The following KDM2B variants were observed in gnomAD, a reference collection of about 807,000 sequenced individuals.
The protein encoded by KDM2B is lysine demethylase 2B, also known as lysine-specific demethylase 2B.
Under a neutral mutation model 150.0 loss-of-function variants are expected in KDM2B, and 26 were observed. The ratio of observed to expected loss-of-function variants is 0.17; its 90% CI spans 0.13 to 0.24. KDM2B has a LOEUF of 0.24. KDM2B is among the 10% of genes least tolerant of loss of function. The pLI, the probability that KDM2B is intolerant of heterozygous loss-of-function variation, is 1.00. For synonymous variants in KDM2B, 734 were observed against 729.5 expected (o/e 1.01, Z -0.10); for missense variants, 1,265 against 1,816.9 (o/e 0.70, Z 5.52).
the KDM2B span, chr12:121,416,147 G>A: frequency 2.5e-6 from 4 of 1,611,230 alleles, no homozygotes; most frequent in Non-Finnish European, 3.4e-6. Flanking sequence ...TGGGATTTGT[G>A]TTCCTTTTTA....
At chr12:121,446,262 G>A (rs1876227280) in intron 13 of KDM2B, among the ~76,000 whole-genome samples, 1 of 152,208 alleles carries the variant, frequency 6.6e-6, no homozygotes, top group Non-Finnish European at 1.5e-5. Flanking sequence ...GCCGGGCGTG[G>A]TGGCGGGCGC....
intron 4 of KDM2B, among the ~76,000 whole-genome samples, chr12:121,560,909 A>G (rs534540280): frequency 6.6e-6 from 1 of 152,082 alleles, no homozygotes; most frequent in South Asian, 2.1e-4. Flanking sequence ...GACAGGGACA[A>G]GCGTCCCTTC....
rs1555288069 is a variant in KDM2B at position 121,440,979 on chromosome 12, TG to T, written c.3449-3del. ...CTGACAGCACCAAGTCCCGGAGCCC[TG>T]GGGGGACATAGAAAAGGGTGAAGGT... On this transcript the variant is annotated splice_region_variant and splice_polypyrimidine_tract_variant and intron_variant, in intron 20 of 22. Coordinates refer to ENST00000377071, the MANE Select transcript of KDM2B (RefSeq NM_032590.5). 1.9e-6 allele frequency: 3 copies of T among 1,613,354 alleles called. No homozygotes were observed. Among genetic ancestry groups the T allele is most frequent in the Admixed American group, 1.7e-5 (1 of 59,964 alleles).
rs573399241 is a variant in KDM2B, at chr12:121,466,127, C to A, written c.1735-12783G>T. On this transcript the variant is annotated intron_variant, in intron 12 of 22. Coordinates refer to ENST00000377071, the MANE Select transcript of KDM2B (RefSeq NM_032590.5). ...CTATAGAGCACTTCCTCAATTGCACCTAATGATGAAAAAAAAAAAAAGTTA... is the reference window on the plus strand; with the variant it reads ...CTATAGAGCACTTCCTCAATTGCACATAATGATGAAAAAAAAAAAAAGTTA... Among the ~76,000 whole-genome samples the A allele has an allele frequency of 7.5e-4, 114 of 151,714 alleles. 2 individuals are homozygous for A. The highest frequency in any genetic ancestry group is 1.3e-3 in the Non-Finnish European group (86 of 67,944).
In KDM2B at chr12:121,458,789, G is replaced by T. The variant is rs1878678425; in HGVS notation, c.1735-5445C>A. ...GCACTCCAGCCTGGGCAACAAGAGT[G>T]AAACTCCATCTAAAAAGGCTGGGCA... On this transcript the variant is annotated intron_variant, in intron 12 of 22. Transcript: ENST00000377071. 2.0e-5 allele frequency among the ~76,000 whole-genome samples: 3 copies of T among 151,568 alleles called. No individual in the cohort carries two copies. In the East Asian group the frequency reaches 5.8e-4, roughly 29 times the overall value.
intron 12 of KDM2B, among the ~76,000 whole-genome samples, chr12:121,463,584 T>A (rs1879409935): frequency 1.3e-5 from 2 of 152,194 alleles, no homozygotes; most frequent in African/African-American, 4.8e-5. Flanking sequence ...TATTTTTATT[T>A]AAAAAAATTT....
chr12:121,571,409 C>T (rs1364365125), intron 4 of KDM2B, among the ~76,000 whole-genome samples: 1 of 151,972 alleles, frequency 6.6e-6, no homozygotes, highest in African/African-American at 2.4e-5. Flanking sequence ...CTGCCTCAGC[C>T]TCCCGAGTAG....
intron 21 of KDM2B, chr12:121,440,603 C>T (rs1336210610): frequency 2.6e-5 from 14 of 542,318 alleles, no homozygotes; most frequent in Middle Eastern, 4.8e-4. Context: ...AGCAGAGAGA[C>T]GCACGCGGAG....
Position 121,467,318 on chromosome 12 carries a change from G to GGGCTCC in KDM2B, c.1735-13975_1735-13974insGGAGCC. On this transcript the variant is annotated intron_variant, in intron 12 of 22. Coordinates refer to ENST00000377071, the MANE Select transcript of KDM2B (RefSeq NM_032590.5). This position sits in a 1 kb window ranked among gnomAD's most constrained non-coding sequence, Gnocchi z 5.1. ...CTCGCCCTGGCTCGGGCTCGGGCTCGGGCTCGGGCTCCCGCTGCCGCGAGG... is the reference window on the plus strand; with the variant it reads ...CTCGCCCTGGCTCGGGCTCGGGCTCGGGCTCCGGCTCGGGCTCCCGCTGCCGCGAGG... 1.0e-6 allele frequency: 1 copy of GGGCTCC among 982,592 alleles called. No homozygotes were observed. Among genetic ancestry groups the GGGCTCC allele is most frequent in the African/African-American group, 1.8e-5 (1 of 56,772 alleles). 60.9% of individuals were successfully genotyped at this position (982,592 alleles called of 1,614,324 possible).
rs1251873098 is a variant in KDM2B, at chr12:121,440,586, A to G, written c.3610+230T>C. The stretch of plus-strand genomic sequence containing the variant: ...CACGCAGAGCCCCATGAGCGAGTCA[A>G]CAGGAAAGCAGAGAGACGCACGCGG... On this transcript the variant is annotated intron_variant, in intron 21 of 22. Coordinates refer to ENST00000377071, the MANE Select transcript of KDM2B (RefSeq NM_032590.5). The G allele has an allele frequency of 1.1e-5, 6 of 525,368 alleles. No homozygotes were observed. In the African/African-American group the frequency reaches 1.1e-4, roughly 10 times the overall value. 32.5% of individuals were successfully genotyped at this position (525,368 alleles called of 1,614,324 possible).
At chr12:121,449,364 G>A (rs1244227490) in intron 13 of KDM2B, among the ~76,000 whole-genome samples, 1 of 152,136 alleles carries the variant, frequency 6.6e-6, no homozygotes, top group East Asian at 1.9e-4. Context: ...TAACACGTGA[G>A]AAGTGCCCTG....
At position 121,578,887 on chromosome 12, in the gene KDM2B, G is replaced by A. The variant is rs782333584; in HGVS notation, c.186C>T (p.Ile62=). Residue 62 remains isoleucine (I), a synonymous_variant, in exon 2 of 23, where the codon ATC becomes ATT. Transcript: ENST00000377071. ...CCAGGCTGAAGCCGCGGACGCTGAC[G>A]ATCTCCTCCACGTCCGACAAGTCCT... is the stretch of plus-strand genomic sequence containing the variant. ...ENEDLSDVEE[I]VSVRGFSLEE... The A allele has an allele frequency of 8.7e-6, 14 of 1,613,016 alleles. No individual in the cohort carries two copies. In the East Asian group the frequency reaches 2.9e-4, roughly 33 times the overall value.
At chr12:121,491,072 T>G (rs1420927095) in intron 12 of KDM2B, among the ~76,000 whole-genome samples, 1 of 152,158 alleles carries the variant, frequency 6.6e-6, no homozygotes, top group Non-Finnish European at 1.5e-5. Context: ...CTTCCTTTCC[T>G]GTTAACTTTT....
chr12:121,531,651 T>C (rs1281097846), intron 8 of KDM2B, among the ~76,000 whole-genome samples: 1 of 152,216 alleles, frequency 6.6e-6, no homozygotes, highest in Non-Finnish European at 1.5e-5. Flanking sequence ...CCTGGCTGAC[T>C]GCAGTTACCA....
Position 121,443,666 on chromosome 12 carries a change from C to A in KDM2B, c.2565+14G>T. Reference sequence around the variant, plus strand: ...GTCCCCGGGGCCTCAGGAGGGCGTGCGTCGTGGGAGCACCTGCTGCTGGAA... The same window carrying A: ...GTCCCCGGGGCCTCAGGAGGGCGTGAGTCGTGGGAGCACCTGCTGCTGGAA... On this transcript the variant is annotated intron_variant, in intron 17 of 22. Coordinates refer to ENST00000377071, the MANE Select transcript of KDM2B (RefSeq NM_032590.5). 6.4e-7 allele frequency: 1 copy of A among 1,553,322 alleles called. No individual in the cohort carries two copies.
In KDM2B at chr12:121,520,726, T is replaced by C. The variant is rs1440832035; in HGVS notation, c.1047+259A>G. On this transcript the variant is annotated intron_variant, in intron 9 of 22. Transcript: ENST00000377071. This position sits in a 1 kb window ranked among gnomAD's most constrained non-coding sequence, Gnocchi z 4.5. The stretch of plus-strand genomic sequence containing the variant: ...TCTCACGGTGCTTTCTCAGAGACAC[T>C]TCCTCTTCCACAAGGGGGTTTTGGC... Among the ~76,000 whole-genome samples, 13 of 152,076 alleles carry C rather than the reference T, an allele frequency of 8.5e-5. No individual in the cohort carries two copies. Among genetic ancestry groups the C allele is most frequent in the African/African-American group, 3.1e-4 (13 of 41,418 alleles).
intron 9 of KDM2B, among the ~76,000 whole-genome samples, chr12:121,517,358 G>A (rs1014812849): frequency 6.6e-6 from 1 of 152,084 alleles, no homozygotes; most frequent in Non-Finnish European, 1.5e-5. Flanking sequence ...CTATCATCTC[G>A]CCAGAAAAAT....
At chr12:121,469,670 G>C (rs1437775825) in intron 12 of KDM2B, 1 of 151,182 alleles carries the variant, frequency 6.6e-6, no homozygotes, top group Non-Finnish European at 1.5e-5. Flanking sequence ...CTGACCTCTT[G>C]CTGGCCACTC....
intron 12 of KDM2B, among the ~76,000 whole-genome samples, chr12:121,486,555 G>A (rs1304713343): frequency 2.6e-5 from 4 of 151,762 alleles, no homozygotes; most frequent in African/African-American, 7.3e-5. Flanking sequence ...GAAATACCAA[G>A]GCAGGCAGAG....
Sources: gnomAD v4.1 joint callset for allele counts (sites outside exome capture counted in the v4.1 genomes callset) on GRCh38, gnomAD v4.1.1 for gene constraint, Gnocchi (gnomAD v3.1) non-coding constraint, MANE v1.5 for transcripts, NCBI Gene and HGNC (gene_info 2026-07-23, HGNC 2026-07-21) for gene names.